The following ZNF2 variants were observed in gnomAD, a reference collection of about 807,000 sequenced individuals.
ZNF2 encodes the protein zinc finger protein 2.2.
A neutral mutation model predicts 21.9 loss-of-function variants in ZNF2; 12 were observed. The observed-to-expected ratio is 0.55, with a 90% CI of 0.35 to 0.89. ZNF2 has a LOEUF of 0.89. ZNF2 is among the 40% of genes least tolerant of loss of function. The pLI, the probability that ZNF2 is intolerant of heterozygous loss-of-function variation, is 0.01. For synonymous variants in ZNF2, 186 were observed against 196.3 expected (o/e 0.95, Z 0.44); for missense variants, 462 against 544.2 (o/e 0.85, Z 1.50).
At chr2:95,166,085 C>T (rs966598407) in intron 1 of ZNF2, among the ~76,000 whole-genome samples, 4 of 152,002 alleles carry the variant, frequency 2.6e-5, no homozygotes, top group African/African-American at 4.8e-5. Context: ...GTATGTCGGT[C>T]CCGGACTTTA....
At chr2:95,167,407 G>A (rs1175800052) in intron 1 of ZNF2, among the ~76,000 whole-genome samples, 3 of 151,082 alleles carry the variant, frequency 2.0e-5, no homozygotes, top group African/African-American at 7.3e-5. Flanking sequence ...TCGGGAGGCT[G>A]AGGCAGGAGA....
chr2:95,177,389 A>G lies in ZNF2; in HGVS notation c.34-94A>G, dbSNP rs756972274. 6.2e-6 allele frequency: 9 copies of G among 1,455,362 alleles called. No homozygotes were observed. In the East Asian group the frequency reaches 9.3e-5, roughly 15 times the overall value. 90.2% of individuals were successfully genotyped at this position (1,455,362 alleles called of 1,614,324 possible). On this transcript the variant is annotated intron_variant, in intron 2 of 4. Coordinates refer to ENST00000614034, the MANE Select transcript of ZNF2 (RefSeq NM_021088.4). ...AGAACTGTTTTTCTTTCCTCCCACC[A>G]TGCGTCCTCCAGGGCTGTCATCTTT...
In ZNF2 at chr2:95,182,005, G is replaced by A. The variant is rs775298523; in HGVS notation, c.1177G>A (p.Gly393Arg). ...RLTRHQRVHT[G>R]EKPFECTVCG... Reference sequence around the variant, plus strand: ...CACGCGGCATCAGCGTGTCCACACGGGAGAGAAGCCCTTTGAATGCACTGT... The same window carrying A: ...CACGCGGCATCAGCGTGTCCACACGAGAGAGAAGCCCTTTGAATGCACTGT... Residue 393 changes from glycine (G) to arginine (R), a missense_variant, in exon 5 of 5, where the codon GGA (glycine) becomes AGA (arginine). Gly to Arg is a moderately radical substitution (Grantham distance 125). Transcript: ENST00000614034. The A allele has an allele frequency of 6.2e-7, 1 of 1,614,288 alleles. No homozygotes were observed. The highest frequency in any genetic ancestry group is 8.5e-7 in the Non-Finnish European group (1 of 1,180,054).
In ZNF2 at chr2:95,182,122, G is replaced by C; in HGVS notation, c.*16G>C. 6.3e-7 allele frequency: 1 copy of C among 1,575,806 alleles called. No individual in the cohort carries two copies. The highest frequency in any genetic ancestry group is 8.6e-7 in the Non-Finnish European group (1 of 1,159,786). The stretch of plus-strand genomic sequence containing the variant: ...AATAGACTGAGTTGGGCAAAAGCTT[G>C]GGTAGGACAAGAACTTCCATACAAA... On this transcript the variant is annotated 3_prime_UTR_variant, in exon 5 of 5. Transcript: ENST00000614034.
intron 3 of ZNF2, among the ~76,000 whole-genome samples, chr2:95,177,930 G>C (rs1674504950): frequency 6.6e-6 from 1 of 152,158 alleles, no homozygotes; most frequent in African/African-American, 2.4e-5. Flanking sequence ...GCAGGGAGCT[G>C]GCGCTCCAGA....
chr2:95,176,895 C>T (rs1674461503), intron 2 of ZNF2, among the ~76,000 whole-genome samples: 1 of 139,574 alleles, frequency 7.2e-6, no homozygotes, highest in Non-Finnish European at 1.5e-5. Flanking sequence ...ATGATCTAAT[C>T]AACACCATTA....
chr2:95,165,854 G>C lies in ZNF2; in HGVS notation c.-46G>C, dbSNP rs1454353808. The C allele has an allele frequency of 6.6e-6, 1 of 152,338 alleles. No individual in the cohort carries two copies. Among genetic ancestry groups the C allele is most frequent in the African/African-American group, 2.4e-5 (1 of 41,470 alleles). The allele number at this position is 152,338 out of a possible 1,614,324, so 9.4% of individuals were successfully genotyped here. On this transcript the variant is annotated 5_prime_UTR_variant, in exon 1 of 5. Transcript: ENST00000614034. ...TCTTCCCGGGTCCCGAGCACTCTGTGCCGGAGGTGAGGGTTGTGGGTGTGT... is the reference window on the plus strand; with the variant it reads ...TCTTCCCGGGTCCCGAGCACTCTGTCCCGGAGGTGAGGGTTGTGGGTGTGT...
At chr2:95,178,380 C>G (rs772722401) in intron 3 of ZNF2, among the ~76,000 whole-genome samples, 2 of 152,140 alleles carry the variant, frequency 1.3e-5, no homozygotes, top group African/African-American at 2.4e-5. Flanking sequence ...CTAACACCCC[C>G]CAGATTAACT....
At chr2:95,172,828 G>T (rs1281358298) in intron 1 of ZNF2, among the ~76,000 whole-genome samples, 2 of 151,732 alleles carry the variant, frequency 1.3e-5, no homozygotes, top group African/African-American at 4.8e-5. Context: ...GTAGAGACGG[G>T]ATTTCACCAT....
intron 1 of ZNF2, among the ~76,000 whole-genome samples, chr2:95,173,276 ATATGAGATAATGTATAT>A (rs1246394222): frequency 1.3e-5 from 2 of 152,136 alleles, no homozygotes; most frequent in African/African-American, 4.8e-5. Flanking sequence ...TAATATTCAT[ATATGAGATAATGTATAT>A]ATATTCACAA....
At chr2:95,180,962 C>A in intron 4 of ZNF2, 141 bp from the exon 5 acceptor site, 1 of 1,004,744 alleles carries the variant, frequency 1.0e-6, no homozygotes. Context: ...GGTCTTAGTC[C>A]CTCCCTGCCG....
At chr2:95,174,492 A>C (rs1393135351) in intron 1 of ZNF2, among the ~76,000 whole-genome samples, 1 of 152,138 alleles carries the variant, frequency 6.6e-6, no homozygotes. Context: ...TTCTAAGCTA[A>C]TTTTTGTTGT....
At chr2:95,172,559 T>G (rs1316689310) in intron 1 of ZNF2, among the ~76,000 whole-genome samples, 1 of 152,202 alleles carries the variant, frequency 6.6e-6, no homozygotes, top group African/African-American at 2.4e-5. Flanking sequence ...GTGTTTTTCC[T>G]TTTTCTATAC....
chr2:95,170,900 C>G (rs1425946252), intron 1 of ZNF2, among the ~76,000 whole-genome samples: 2 of 152,128 alleles, frequency 1.3e-5, no homozygotes, highest in Admixed American at 1.3e-4. Flanking sequence ...CTGGTTTATT[C>G]CCATTCCAAA....
intron 3 of ZNF2, 34 bp downstream of exon 3, chr2:95,177,643 T>C: frequency 6.2e-7 from 1 of 1,603,208 alleles, no homozygotes; most frequent in South Asian, 1.1e-5. Flanking sequence ...GTACAGTCTG[T>C]ACTATGCTAA....
rs751523499 is a variant in ZNF2, at chr2:95,181,794, C to T, written c.966C>T (p.Phe322=). ...AGTGTAACGAGTGCGGGAAAGCTTT[C>T]TATGGTGTCTCGTCTCTGAATAGAC... is the stretch of plus-strand genomic sequence containing the variant. ...PYECNECGKA[F]YGVSSLNRHQ... The change falls in exon 5 of 5, where the codon TTC becomes TTT. Residue 322 remains phenylalanine (F), a synonymous_variant. Coordinates refer to ENST00000614034, the MANE Select transcript of ZNF2 (RefSeq NM_021088.4). The T allele has an allele frequency of 5.0e-6, 8 of 1,614,208 alleles. No homozygotes were observed. In the South Asian group the frequency reaches 8.8e-5, roughly 18 times the overall value.
chr2:95,177,212 G>T (rs1189500640), intron 2 of ZNF2, among the ~76,000 whole-genome samples: 1 of 152,140 alleles, frequency 6.6e-6, no homozygotes, highest in Non-Finnish European at 1.5e-5. Flanking sequence ...GGGTACACAG[G>T]AATTTTTTTG....
chr2:95,172,807 T>A (rs182278612), intron 1 of ZNF2, among the ~76,000 whole-genome samples: 3 of 152,172 alleles, frequency 2.0e-5, no homozygotes, highest in Admixed American at 2.0e-4. Context: ...TGGCTAATTT[T>A]TGTATTTTTA....
chr2:95,184,154 C>G lies in ZNF2; in HGVS notation c.*2048C>G, dbSNP rs1159863243. ...GACCCTCCCCAACCTACTAACGACC[C>G]TATTACTCTGTTCACCCTAGAGCAG... On this transcript the variant is annotated 3_prime_UTR_variant, in exon 5 of 5. Transcript: ENST00000614034. 1.3e-5 allele frequency: 2 copies of G among 152,194 alleles called. No individual in the cohort carries two copies. Among genetic ancestry groups the G allele is most frequent in the African/African-American group, 4.8e-5 (2 of 41,436 alleles). 9.4% of individuals were successfully genotyped at this position (152,194 alleles called of 1,614,324 possible).
Sources: gnomAD v4.1 joint callset for allele counts (sites outside exome capture counted in the v4.1 genomes callset) on GRCh38, gnomAD v4.1.1 for gene constraint, MANE v1.5 for transcripts, NCBI Gene and HGNC (gene_info 2026-07-23, HGNC 2026-07-21) for gene names.